ZDHHC11: variants seen among roughly 807,000 people sequenced by gnomAD.
The protein encoded by ZDHHC11 is zDHHC palmitoyltransferase 11.
Under a neutral mutation model 51.3 loss-of-function variants are expected in ZDHHC11, and 44 were observed. That is an observed-to-expected ratio of 0.86 (90% CI 0.67 to 1.10). The LOEUF (loss-of-function observed/expected upper bound fraction) is 1.10. Among genes scored for constraint, ZDHHC11 ranks in the 50% least tolerant of loss-of-function variants. The pLI, the probability that ZDHHC11 is intolerant of heterozygous loss-of-function variation, is 0.00. For synonymous variants in ZDHHC11, 163 were observed against 222.0 expected, an observed-to-expected ratio of 0.73 and a Z score of 2.36; for missense variants, 400 against 537.7, an observed-to-expected ratio of 0.74 and a Z score of 2.53.
intron 4 of ZDHHC11, chr5:842,819 T>A (rs866622535): frequency 9.1e-6 from 5 of 547,292 alleles, no homozygotes; most frequent in African/African-American, 2.1e-5. Flanking sequence ...CTTCCCAATT[T>A]TGCCAGCTCC....
chr5:820,595 A>G (rs1272920340), intron 9 of ZDHHC11, among the ~76,000 whole-genome samples: 1 of 149,320 alleles, frequency 6.7e-6, no homozygotes, highest in East Asian at 2.0e-4. Flanking sequence ...GGGGGGCTGC[A>G]CTCCACTTTC....
chr5:820,313 A>C (rs1741402825), intron 9 of ZDHHC11, among the ~76,000 whole-genome samples: 1 of 151,620 alleles, frequency 6.6e-6, no homozygotes, highest in Non-Finnish European at 1.5e-5. Flanking sequence ...TTCATAGAAG[A>C]CTTAATGGGT....
intron 5 of ZDHHC11, among the ~76,000 whole-genome samples, chr5:837,984 G>A (rs1744151078): frequency 6.6e-6 from 1 of 151,962 alleles, no homozygotes; most frequent in Non-Finnish European, 1.5e-5. Context: ...CCCACAGTCG[G>A]AGGACCACGC....
At chr5:857,639 G>C (rs536306819) in intron 1 of ZDHHC11, among the ~76,000 whole-genome samples, 18 of 146,556 alleles carry the variant, frequency 1.2e-4, no homozygotes, top group African/African-American at 3.8e-4. Context: ...AGTCTGTCCC[G>C]GTCCCATCCC....
chr5:823,734 G>C (rs1230460899), intron 8 of ZDHHC11: 1 of 231,074 alleles, frequency 4.3e-6, no homozygotes, highest in African/African-American at 2.2e-5. Context: ...CTCTGCTTCA[G>C]ACCAGGCCTC....
In ZDHHC11 at chr5:838,424, G is replaced by A. The variant is rs549816987; in HGVS notation, c.785-944C>T. Among the ~76,000 whole-genome samples the A allele has an allele frequency of 4.7e-4, 71 of 152,212 alleles. 1 individual carries two copies. Among genetic ancestry groups the A allele is most frequent in the African/African-American group, 1.4e-3 (60 of 41,550 alleles). On this transcript the variant is annotated intron_variant, in intron 5 of 12. Coordinates refer to ENST00000283441, the MANE Select transcript of ZDHHC11 (RefSeq NM_024786.3). The stretch of plus-strand genomic sequence containing the variant: ...TGTGACTATTTCTGGAGACTGGGGC[G>A]GCCGCCCACAGAGGCCTATTTGCAG...
chr5:840,616 G>T lies in ZDHHC11; in HGVS notation c.663C>A (p.Leu221=). The T allele has an allele frequency of 1.9e-6, 3 of 1,613,892 alleles. No individual in the cohort carries two copies. Among genetic ancestry groups the T allele is most frequent in the South Asian group, 2.2e-5 (2 of 91,084 alleles). ...VKNMNTWLLF[L]PLFPVQVQTL... is the part of the protein sequence containing the mutation. ...TCTGCACCTGCACCGGGAACAGGGGGAGGAACAGCAGCCACGTGTTCATAT... is the reference window on the plus strand; with the variant it reads ...TCTGCACCTGCACCGGGAACAGGGGTAGGAACAGCAGCCACGTGTTCATAT... Residue 221 remains leucine (L), a synonymous_variant, in exon 5 of 13, where the codon CTC becomes CTA. Coordinates refer to ENST00000283441, the MANE Select transcript of ZDHHC11 (RefSeq NM_024786.3).
chr5:822,482 CAT>C (rs1383359582), intron 8 of ZDHHC11, among the ~76,000 whole-genome samples: 22 of 151,620 alleles, frequency 1.5e-4, no homozygotes, highest in African/African-American at 4.8e-4. Context: ...TGTGCACACA[CAT>C]GTTGTTCTCA....
upstream of ZDHHC11, among the ~76,000 whole-genome samples, chr5:854,873 C>T (rs540774678): frequency 1.4e-5 from 2 of 144,834 alleles, no homozygotes; most frequent in African/African-American, 5.1e-5. Flanking sequence ...GGGGGACAGA[C>T]CCCATGGAGG....
At chr5:844,547 G>C (rs1366281418) in intron 3 of ZDHHC11, among the ~76,000 whole-genome samples, 3 of 152,300 alleles carry the variant, frequency 2.0e-5, no homozygotes, top group Admixed American at 2.0e-4. Flanking sequence ...CACTCGGGGG[G>C]CCCTGAGCAT....
At chr5:831,423 C>T (rs1458540480) in intron 7 of ZDHHC11, among the ~76,000 whole-genome samples, 3 of 149,042 alleles carry the variant, frequency 2.0e-5, no homozygotes, top group East Asian at 3.9e-4. Context: ...TCTCTACTAA[C>T]GACACAAAAA....
chr5:831,094 A>G (rs1165034670), intron 7 of ZDHHC11, among the ~76,000 whole-genome samples: 1 of 149,508 alleles, frequency 6.7e-6, no homozygotes, highest in South Asian at 2.1e-4. Context: ...AAGCAAATGC[A>G]ACAAGAACAA....
intron 11 of ZDHHC11, among the ~76,000 whole-genome samples, chr5:804,571 C>T (rs115468569): frequency 0.025 from 3,813 of 150,430 alleles, 36 homozygotes; most frequent in East Asian, 0.11. Context: ...ATTGTTAAGG[C>T]ATAGACAACA....
chr5:816,534 A>G, intron 10 of ZDHHC11: 1 of 553,332 alleles, frequency 1.8e-6, no homozygotes, highest in South Asian at 1.4e-5. Context: ...GATTCTGCCA[A>G]AAAGATACTT....
intron 10 of ZDHHC11, 47 bp from the exon 11 acceptor site, chr5:814,842 G>A (rs372787893): frequency 6.7e-7 from 1 of 1,485,742 alleles, no homozygotes; most frequent in East Asian, 2.4e-5. Flanking sequence ...CAAAGACCTT[G>A]TTGACATTAA....
At chr5:799,794 C>T (rs1329386406) in intron 12 of ZDHHC11, among the ~76,000 whole-genome samples, 1 of 151,642 alleles carries the variant, frequency 6.6e-6, no homozygotes, top group Non-Finnish European at 1.5e-5. Context: ...CAATTTACTT[C>T]TTCTTTCCTT....
chr5:858,136 G>A (rs113590165), intron 1 of ZDHHC11, among the ~76,000 whole-genome samples: 4,588 of 127,676 alleles, frequency 0.036, 100 homozygotes, highest in Non-Finnish European at 0.049. Flanking sequence ...TTATGACACC[G>A]TGGTCCCCCG....
chr5:810,684 C>A (rs1205228450), intron 11 of ZDHHC11, among the ~76,000 whole-genome samples: 2 of 151,506 alleles, frequency 1.3e-5, no homozygotes, highest in Non-Finnish European at 3.0e-5. Flanking sequence ...TTAGGTGACC[C>A]TGGAAGCATA....
intron 11 of ZDHHC11, among the ~76,000 whole-genome samples, chr5:805,161 G>C (rs1184722298): frequency 6.6e-6 from 1 of 151,550 alleles, no homozygotes; most frequent in Non-Finnish European, 1.5e-5. Context: ...AGTTGGGGCT[G>C]ACTGTAGTGG....
Sources: gnomAD v4.1 joint callset for allele counts (sites outside exome capture counted in the v4.1 genomes callset) on GRCh38, gnomAD v4.1.1 for gene constraint, MANE v1.5 for transcripts, NCBI Gene and HGNC (gene_info 2026-07-23, HGNC 2026-07-21) for gene names.